The following MME variants were observed in gnomAD, a reference collection of about 807,000 sequenced individuals.
MME encodes neprilysin.
Under a neutral mutation model 113.2 loss-of-function variants are expected in MME, and 98 were observed. The observed-to-expected ratio is 0.87, with a 90% CI of 0.74 to 1.02. MME has a LOEUF of 1.02. Among genes scored for constraint, MME ranks in the 50% least tolerant of loss-of-function variants. The pLI, the probability that MME is intolerant of heterozygous loss-of-function variation, is 0.00. For missense variants in MME, 836 were observed against 896.0 expected, an observed-to-expected ratio of 0.93 and a Z score of 0.86; for synonymous variants, 292 against 300.6, an observed-to-expected ratio of 0.97 and a Z score of 0.30.
chr3:155,142,201 C>A, intron 11 of MME, 36 bp from the exon 12 acceptor site: 1 of 1,612,490 alleles, frequency 6.2e-7, no homozygotes, highest in East Asian at 2.2e-5. Flanking sequence ...GCAGCCTCAT[C>A]TTTTCTGTTG....
chr3:155,045,383 C>T (rs1454898597), intron 1 of MME, among the ~76,000 whole-genome samples: 1 of 152,050 alleles, frequency 6.6e-6, no homozygotes, highest in African/African-American at 2.4e-5. Flanking sequence ...CTCCTGACCT[C>T]ATGATCCGCC....
intron 1 of MME, among the ~76,000 whole-genome samples, chr3:155,042,477 G>T (rs1030668298): frequency 6.6e-6 from 1 of 152,038 alleles, no homozygotes; most frequent in South Asian, 2.1e-4. Context: ...ATAGGCACAC[G>T]CATGTACACA....
intron 1 of MME, among the ~76,000 whole-genome samples, chr3:155,042,387 T>C (rs542060268): frequency 6.6e-6 from 1 of 152,294 alleles, no homozygotes; most frequent in Admixed American, 6.5e-5. Context: ...TGTCTTTTCC[T>C]ATGTCATGCC....
rs143678397 is a variant in MME, at chr3:155,151,951, C to T, written c.1601+3298C>T. Among the ~76,000 whole-genome samples the T allele has an allele frequency of 2.8e-4, 41 of 148,396 alleles. No individual in the cohort carries two copies. In the East Asian group the frequency reaches 3.9e-3, roughly 14 times the overall value. ...CCACCTTCTATATCTTCAGTTTATC[C>T]TCCACACTACTACCTTAGAGATTTT... On this transcript the variant is annotated intron_variant, in intron 16 of 22. Coordinates refer to ENST00000360490, the MANE Select transcript of MME (RefSeq NM_007289.4).
In MME at chr3:155,161,240, T is replaced by C. The variant is rs532412787; in HGVS notation, c.1660+792T>C. Among the ~76,000 whole-genome samples the C allele has an allele frequency of 7.9e-5, 12 of 152,158 alleles. No homozygotes were observed. The South Asian group carries it at 1.9e-3, about 24-fold the overall frequency. ...CAGGGGGTTTTTAGCATTAGAAAGG[T>C]ACTCAACTGATTCAGTACTGCCAGA... On this transcript the variant is annotated intron_variant, in intron 17 of 22. Coordinates refer to ENST00000360490, the MANE Select transcript of MME (RefSeq NM_007289.4).
In MME at chr3:155,127,066, G is replaced by C. The variant is rs139908166; in HGVS notation, c.720+8255G>C. Among the ~76,000 whole-genome samples the C allele has an allele frequency of 4.6e-4, 70 of 151,398 alleles. 2 individuals carry two copies. The East Asian group carries it at 0.013, about 28-fold the overall frequency. On this transcript the variant is annotated intron_variant, in intron 8 of 22. Transcript: ENST00000360490. ...CTCCAGGTTTGAACAGTTTTGAACA[G>C]TCCTCATCAACATGATTCATCGATT...
chr3:155,135,965 T>C (rs960064830), intron 8 of MME, among the ~76,000 whole-genome samples: 2 of 152,236 alleles, frequency 1.3e-5, no homozygotes, highest in African/African-American at 4.8e-5. Flanking sequence ...TAAATAGATA[T>C]GCCACCAATT....
At chr3:155,126,819 G>A (rs943413401) in intron 8 of MME, among the ~76,000 whole-genome samples, 2 of 151,964 alleles carry the variant, frequency 1.3e-5, no homozygotes, top group Non-Finnish European at 2.9e-5. Context: ...GACCACCATG[G>A]AGAAACCCCA....
At chr3:155,142,675 G>A (rs960583043) in intron 12 of MME, among the ~76,000 whole-genome samples, 3 of 152,104 alleles carry the variant, frequency 2.0e-5, no homozygotes, top group Non-Finnish European at 4.4e-5. Flanking sequence ...TGATTTTCAG[G>A]TGCTCATTGC....
At position 155,116,484 on chromosome 3, in the gene MME, C is replaced by T. The variant is rs1718614991; in HGVS notation, c.364C>T (p.Leu122Phe). The T allele has an allele frequency of 6.2e-7, 1 of 1,608,632 alleles. No individual in the cohort carries two copies. Among genetic ancestry groups the T allele is most frequent in the Non-Finnish European group, 8.5e-7 (1 of 1,175,434 alleles). Residue 122 changes from leucine to phenylalanine, a missense_variant, in exon 5 of 23, where the codon CTT becomes TTT. Physicochemically the swap from Leu to Phe is conservative, Grantham distance 22. Transcript: ENST00000360490. ...DELEVVLKDV[L>F]QEPKTEDIVA... Reference sequence around the variant, plus strand: ...TATTAAATGTCCTATTTCAGATGTCCTTCAAGAACCCAAAACTGAAGATAT... The same window carrying T: ...TATTAAATGTCCTATTTCAGATGTCTTTCAAGAACCCAAAACTGAAGATAT...
intron 16 of MME, among the ~76,000 whole-genome samples, chr3:155,150,259 T>G (rs2108328984): frequency 6.6e-6 from 1 of 152,330 alleles, no homozygotes; most frequent in Non-Finnish European, 1.5e-5. Flanking sequence ...ATGTTTTCTT[T>G]TGAGGTTAAC....
chr3:155,140,954 C>A (rs1377082472), intron 10 of MME, among the ~76,000 whole-genome samples: 1 of 152,142 alleles, frequency 6.6e-6, no homozygotes, highest in Admixed American at 6.5e-5. Flanking sequence ...AAATAGGACA[C>A]AAATAAAAAG....
chr3:155,061,840 C>T (rs1321725179), intron 1 of MME, among the ~76,000 whole-genome samples: 1 of 151,688 alleles, frequency 6.6e-6, no homozygotes, highest in Non-Finnish European at 1.5e-5. Flanking sequence ...CTTGTATTTT[C>T]GGTAGACACA....
chr3:155,147,908 T>C (rs1312223420), intron 15 of MME, among the ~76,000 whole-genome samples: 3 of 152,178 alleles, frequency 2.0e-5, no homozygotes, highest in African/African-American at 7.2e-5. Context: ...TCTTCTCTCT[T>C]TCCATTTGCA....
At chr3:155,101,222 G>A (rs930951056) in intron 3 of MME, among the ~76,000 whole-genome samples, 3 of 152,206 alleles carry the variant, frequency 2.0e-5, no homozygotes, top group Admixed American at 6.5e-5. Context: ...GCAGAGCCAT[G>A]AGCCAATTAA....
At chr3:155,053,161 T>G (rs548893799) in intron 1 of MME, among the ~76,000 whole-genome samples, 9 of 152,334 alleles carry the variant, frequency 5.9e-5, no homozygotes, top group Admixed American at 5.9e-4. Context: ...TCCTGTCTTC[T>G]TCCGAGCCCA....
chr3:155,163,543 G>A (rs1407031605), intron 17 of MME, among the ~76,000 whole-genome samples: 2 of 152,154 alleles, frequency 1.3e-5, no homozygotes, highest in African/African-American at 2.4e-5. Flanking sequence ...GCGCTTCAAT[G>A]TTTTGTCATA....
chr3:155,105,180 A>G (rs1717587144), intron 3 of MME, among the ~76,000 whole-genome samples: 1 of 152,192 alleles, frequency 6.6e-6, no homozygotes, highest in African/African-American at 2.4e-5. Context: ...ATTATTGTGA[A>G]TCCATTAGAC....
chr3:155,050,744 T>TTAA (rs1487625145), intron 1 of MME, among the ~76,000 whole-genome samples: 1 of 152,224 alleles, frequency 6.6e-6, no homozygotes, highest in Non-Finnish European at 1.5e-5. Flanking sequence ...CACTGTCAGA[T>TTAA]GTATAGTTTG....
Sources: gnomAD v4.1 joint callset for allele counts (sites outside exome capture counted in the v4.1 genomes callset) on GRCh38, gnomAD v4.1.1 for gene constraint, MANE v1.5 for transcripts, NCBI Gene and HGNC (gene_info 2026-07-23, HGNC 2026-07-21) for gene names.